Variants in MMS19 observed in about 807,000 individuals in gnomAD.
MMS19 encodes MMS19 cytosolic iron-sulfur assembly component.
MMS19 carries 77 observed loss-of-function variants against 129.8 expected under a neutral mutation model. The observed-to-expected ratio is 0.59, with a 90% CI of 0.49 to 0.72. The LOEUF (loss-of-function observed/expected upper bound fraction) is 0.72, where lower values mean the gene tolerates loss of function less well. Among genes scored for constraint, MMS19 ranks in the 30% least tolerant of loss-of-function variants. The pLI is 0.00. For synonymous variants in MMS19, 491 were observed against 502.8 expected (o/e 0.98, Z 0.31); for missense variants, 1,168 against 1,266.3 (o/e 0.92, Z 1.18).
intron 15 of MMS19, 79 bp from the exon 16 acceptor site, chr10:97,466,664 C>T (rs1386643588): frequency 1.9e-6 from 3 of 1,584,464 alleles, no homozygotes; most frequent in Non-Finnish European, 2.6e-6. Flanking sequence ...TATTAGAAAT[C>T]CCAAATCATC....
In MMS19 at chr10:97,464,028, G is replaced by A. The variant is rs1368724897; in HGVS notation, c.1757-15C>T. ...AACCATATTCCCTGTTGATGAGAAA[G>A]TGTTCTCTGTAAGGTTTGCTTAAAA... On this transcript the variant is annotated splice_polypyrimidine_tract_variant and intron_variant, in intron 18 of 30. Transcript: ENST00000438925. 2 of 1,608,258 alleles carry A rather than the reference G, an allele frequency of 1.2e-6. No homozygotes were observed. The highest frequency in any genetic ancestry group is 2.7e-5 in the African/African-American group (2 of 74,906).
intron 1 of MMS19, among the ~76,000 whole-genome samples, chr10:97,497,955 G>T (rs900436085): frequency 2.0e-5 from 3 of 152,204 alleles, no homozygotes; most frequent in South Asian, 4.1e-4. Context: ...CTGGGTCCGA[G>T]TCCCACCTCC....
In MMS19 at chr10:97,468,300, G is replaced by A. The variant is rs750180237; in HGVS notation, c.1170C>T (p.Thr390=). ...CCAGCAGTAAAGGCAGTACATTGCTGGTGACAGAGTCACAGGCCCGGGCAG... is the reference window on the plus strand; with the variant it reads ...CCAGCAGTAAAGGCAGTACATTGCTAGTGACAGAGTCACAGGCCCGGGCAG... The part of the protein sequence containing the change: ...GASARACDSV[T]SNVLPLLLEQ... The change falls in exon 13 of 31, where the codon ACC becomes ACT. Residue 390 remains threonine, a synonymous_variant. Coordinates refer to ENST00000438925, the MANE Select transcript of MMS19 (RefSeq NM_022362.5). 1.2e-6 allele frequency: 2 copies of A among 1,610,990 alleles called. No individual in the cohort carries two copies. Among genetic ancestry groups the A allele is most frequent in the Non-Finnish European group, 1.7e-6 (2 of 1,178,168 alleles).
At chr10:97,486,892 T>C (rs889428539) in intron 1 of MMS19, among the ~76,000 whole-genome samples, 1 of 132,196 alleles carries the variant, frequency 7.6e-6, no homozygotes, top group South Asian at 2.4e-4. Context: ...TATATATATA[T>C]ATAAAATTAA....
At chr10:97,480,504 C>T in intron 3 of MMS19, 1 of 364,136 alleles carries the variant, frequency 2.7e-6, no homozygotes, top group Non-Finnish European at 5.3e-6. Context: ...TCATCTTTAC[C>T]TATGAAATAC....
intron 1 of MMS19, among the ~76,000 whole-genome samples, chr10:97,493,512 C>T (rs1367929850): frequency 1.3e-5 from 2 of 152,058 alleles, no homozygotes; most frequent in Non-Finnish European, 2.9e-5. Context: ...TCTTCGAGGT[C>T]ACACTGCACT....
upstream of MMS19, chr10:97,498,525 G>A: frequency 5.6e-6 from 7 of 1,254,052 alleles, no homozygotes; most frequent in African/African-American, 1.5e-5. Context: ...TTCTGCCTAG[G>A]CAGTTCCAGG....
intron 25 of MMS19, 44 bp from the exon 26 acceptor site, chr10:97,460,276 CT>C: frequency 6.4e-7 from 1 of 1,569,858 alleles, no homozygotes; most frequent in African/African-American, 1.4e-5. Context: ...GAAGAAGAAT[CT>C]TAAGTGCCAA....
intron 9 of MMS19, 46 bp downstream of exon 9, chr10:97,470,729 C>A (rs1242682837): frequency 2.5e-6 from 3 of 1,223,796 alleles, no homozygotes; most frequent in Non-Finnish European, 3.6e-6. Context: ...TTCTTCAGAG[C>A]CATCTATGGG....
At chr10:97,481,106 A>C (rs756477276) in intron 2 of MMS19, 64 bp from the exon 3 acceptor site, 3 of 1,028,654 alleles carry the variant, frequency 2.9e-6, no homozygotes, top group Admixed American at 2.2e-5. Context: ...AGAAATAAAC[A>C]TTTTACATTA....
chr10:97,481,110 T>C (rs1173294997), intron 2 of MMS19, 68 bp from the exon 3 acceptor site: 4 of 1,001,922 alleles, frequency 4.0e-6, no homozygotes, highest in Non-Finnish European at 6.1e-6. Context: ...ATAAACATTT[T>C]ACATTAGTCA....
At chr10:97,498,546 G>A (rs1247838358), upstream of MMS19, 4 of 918,364 alleles carry the variant, frequency 4.4e-6, no homozygotes, top group East Asian at 6.1e-5. Flanking sequence ...GAGGGGCGGG[G>A]CCTGAAATGG....
At chr10:97,471,660 C>G (rs1371876861) in intron 8 of MMS19, among the ~76,000 whole-genome samples, 3 of 151,944 alleles carry the variant, frequency 2.0e-5, no homozygotes, top group Non-Finnish European at 4.4e-5. Flanking sequence ...ACAGGCGCAC[C>G]AACACACCTG....
rs371394931 is a variant in MMS19 at position 97,467,524 on chromosome 10, T to C, written c.1278A>G (p.Lys426=). The C allele has an allele frequency of 5.6e-5, 90 of 1,613,824 alleles. No individual in the cohort carries two copies. In the African/African-American group the frequency reaches 1.1e-3, roughly 19 times the overall value. ...CCTCACCTTTGTCTTCATAGCTCCA[T>C]TTCTGCTGCAGCTTCAAGAAACCCA... ...MLLGFLKLQQ[K]WSYEDKDQRP... The change falls in exon 14 of 31, where the codon AAA becomes AAG. Residue 426 remains lysine (K), a synonymous_variant. Coordinates refer to ENST00000438925, the MANE Select transcript of MMS19 (RefSeq NM_022362.5).
At chr10:97,496,617 A>C (rs2039843966) in intron 1 of MMS19, among the ~76,000 whole-genome samples, 1 of 151,712 alleles carries the variant, frequency 6.6e-6, no homozygotes, top group Non-Finnish European at 1.5e-5. Flanking sequence ...TTCTGAATCA[A>C]AAAAAAATCC....
chr10:97,469,152 G>A (rs1366879456), intron 11 of MMS19, 48 bp from the exon 12 acceptor site: 19 of 1,538,486 alleles, frequency 1.2e-5, no homozygotes, highest in African/African-American at 2.7e-5. Context: ...TGCACCAGAT[G>A]AGACCCCACC....
intron 1 of MMS19, among the ~76,000 whole-genome samples, chr10:97,488,841 C>T (rs1480779201): frequency 1.3e-5 from 2 of 152,156 alleles, no homozygotes; most frequent in African/African-American, 2.4e-5. Flanking sequence ...CAGCATTATT[C>T]GTAACAGTAA....
Position 97,462,082 on chromosome 10 carries a change from A to G in MMS19, c.2050T>C (p.Phe684Leu). ...AGAAAGGACACGTTGCCATCCAAGA[A>G]GAGGGGCACAATGTGTGTCACACTC... ...AQSVTHIVPLFLDGNVSFLPE... is the reference protein window; with the variant it reads ...AQSVTHIVPLLLDGNVSFLPE... The change falls in exon 21 of 31, where the codon TTC becomes CTC. Residue 684 changes from phenylalanine to leucine, a missense_variant. Physicochemically the swap from Phe to Leu is conservative, Grantham distance 22 (BLOSUM62 0). Transcript: ENST00000438925. 1 of 1,588,018 alleles carries G rather than the reference A, an allele frequency of 6.3e-7. No individual in the cohort carries two copies.
chr10:97,459,777 A>T, intron 26 of MMS19, 36 bp from the exon 27 acceptor site: 1 of 1,485,276 alleles, frequency 6.7e-7, no homozygotes, highest in Non-Finnish European at 9.3e-7. Context: ...GAGAAATTGG[A>T]CTTAGATATA....
Sources: gnomAD v4.1 joint callset for allele counts (sites outside exome capture counted in the v4.1 genomes callset) on GRCh38, gnomAD v4.1.1 for gene constraint, MANE v1.5 for transcripts, NCBI Gene and HGNC (gene_info 2026-07-23, HGNC 2026-07-21) for gene names.